PCSK6: variants seen among roughly 807,000 people sequenced by gnomAD.
PCSK6 encodes the protein paired basic amino acid cleaving enzyme 4.
In PCSK6, 85 loss-of-function variants were observed where a neutral mutation model predicts 123.3. The observed-to-expected ratio is 0.69, with a 90% CI of 0.58 to 0.83. PCSK6 has a LOEUF of 0.83. PCSK6 is among the 40% of genes least tolerant of loss of function. The pLI, the probability that PCSK6 is intolerant of heterozygous loss-of-function variation, is 0.00. For synonymous variants in PCSK6, 508 were observed against 516.0 expected, an observed-to-expected ratio of 0.98 and a Z score of 0.21; for missense variants, 1,191 against 1,282.3, an observed-to-expected ratio of 0.93 and a Z score of 1.09.
intron 1 of PCSK6, among the ~76,000 whole-genome samples, chr15:101,477,296 G>A (rs1320733091): frequency 6.6e-6 from 1 of 152,102 alleles, no homozygotes; most frequent in Non-Finnish European, 1.5e-5. Flanking sequence ...TACCTACACA[G>A]GTTGAATATC....
In PCSK6 at chr15:101,489,606, T is replaced by TCGGTGG; in HGVS notation, c.59_64dup (p.Ala20_Thr21dup). On this transcript the variant is annotated inframe_insertion, in exon 1 of 22. Coordinates refer to ENST00000611716, the MANE Select transcript of PCSK6 (RefSeq NM_002570.5). Reference sequence around the variant, plus strand: ...CGCGCCCCCCGCGCCCGCGGCGGTGTCGGTGGCGGCGGCGGCCCGGGGCGG... The same window carrying TCGGTGG: ...CGCGCCCCCCGCGCCCGCGGCGGTGTCGGTGGCGGTGGCGGCGGCGGCCCGGGGCGG... 2 of 959,930 alleles carry TCGGTGG rather than the reference T, an allele frequency of 2.1e-6. No individual in the cohort carries two copies. The highest frequency in any genetic ancestry group is 2.4e-6 in the Non-Finnish European group (2 of 817,028). 59.5% of individuals were successfully genotyped at this position (959,930 alleles called of 1,614,324 possible).
intron 18 of PCSK6, among the ~76,000 whole-genome samples, chr15:101,319,949 T>C (rs2141349915): frequency 6.6e-6 from 1 of 152,236 alleles, no homozygotes; most frequent in Admixed American, 6.5e-5. Context: ...AAGTCCGATT[T>C]ATGGCTGGTC....
At chr15:101,341,248 G>GTT (rs149761692) in intron 13 of PCSK6, among the ~76,000 whole-genome samples, 143 of 129,628 alleles carry the variant, frequency 1.1e-3, no homozygotes, top group East Asian at 1.8e-3. Context: ...AAAGTGTGGG[G>GTT]TTTTTTTTTT....
intron 2 of PCSK6, among the ~76,000 whole-genome samples, chr15:101,440,354 C>T (rs1044550841): frequency 6.6e-6 from 1 of 152,192 alleles, no homozygotes; most frequent in Non-Finnish European, 1.5e-5. Flanking sequence ...CATTCCGGTA[C>T]AGGATCAGTG....
At chr15:101,313,849 T>C (rs1410630884) in intron 19 of PCSK6, 1 of 203,550 alleles carries the variant, frequency 4.9e-6, no homozygotes, top group Non-Finnish European at 9.9e-6. Flanking sequence ...AAAGTCTTCA[T>C]ATAAAAAATA....
chr15:101,362,203 G>A (rs531575172), intron 13 of PCSK6, among the ~76,000 whole-genome samples: 308 of 152,144 alleles, frequency 2.0e-3, no homozygotes, highest in Non-Finnish European at 3.6e-3. Context: ...TGATTCACCC[G>A]CCTCGGCCTC....
At chr15:101,392,626 T>C (rs1042629229) in intron 8 of PCSK6, among the ~76,000 whole-genome samples, 1 of 129,918 alleles carries the variant, frequency 7.7e-6, no homozygotes, top group Non-Finnish European at 1.6e-5. Flanking sequence ...GGAAAGTATG[T>C]AGGGAAGGAA....
chr15:101,376,141 G>T (rs1055771006), intron 11 of PCSK6, among the ~76,000 whole-genome samples: 1 of 152,152 alleles, frequency 6.6e-6, no homozygotes, highest in African/African-American at 2.4e-5. Flanking sequence ...CACCCAGGCT[G>T]GGGTGCAGTG....
At chr15:101,322,989 G>A (rs546241512) in intron 17 of PCSK6, among the ~76,000 whole-genome samples, 4 of 152,342 alleles carry the variant, frequency 2.6e-5, no homozygotes, top group East Asian at 1.9e-4. Context: ...TGCCCACCAC[G>A]GTGCTTTCTC....
At chr15:101,464,985 C>G (rs1393667164) in intron 1 of PCSK6, among the ~76,000 whole-genome samples, 1 of 152,084 alleles carries the variant, frequency 6.6e-6, no homozygotes, top group Non-Finnish European at 1.5e-5. Context: ...ACTCGCAGGA[C>G]CTGGGGAGAG....
At chr15:101,362,165 C>T (rs537597504) in intron 13 of PCSK6, among the ~76,000 whole-genome samples, 1 of 152,202 alleles carries the variant, frequency 6.6e-6, no homozygotes, top group African/African-American at 2.4e-5. Flanking sequence ...ACCATGTTGG[C>T]CAGGATGGTC....
At chr15:101,396,197 A>C (rs938574867) in intron 7 of PCSK6, among the ~76,000 whole-genome samples, 6 of 152,296 alleles carry the variant, frequency 3.9e-5, no homozygotes, top group South Asian at 4.1e-4. Context: ...CTGTGACAAG[A>C]ATGAGGGGAA....
At chr15:101,373,924 A>G (rs570504445) in intron 11 of PCSK6, among the ~76,000 whole-genome samples, 22 of 152,194 alleles carry the variant, frequency 1.4e-4, no homozygotes, top group Non-Finnish European at 2.9e-4. Flanking sequence ...AAAGTCCCCA[A>G]AGTAACTGAA....
chr15:101,453,781 G>T (rs184458595), intron 1 of PCSK6, among the ~76,000 whole-genome samples: 26 of 152,320 alleles, frequency 1.7e-4, no homozygotes, highest in Non-Finnish European at 2.9e-4. Context: ...GAAGTAGGGG[G>T]TGCCTTATCC....
intron 2 of PCSK6, among the ~76,000 whole-genome samples, chr15:101,438,161 G>T (rs1323542023): frequency 6.6e-6 from 1 of 152,148 alleles, no homozygotes; most frequent in African/African-American, 2.4e-5. Flanking sequence ...GCATCCTGTG[G>T]GACTTTGTTA....
At chr15:101,436,718 G>A (rs546501919) in intron 2 of PCSK6, among the ~76,000 whole-genome samples, 2 of 152,286 alleles carry the variant, frequency 1.3e-5, no homozygotes, top group African/African-American at 2.4e-5. Context: ...GGCTGGGACC[G>A]GTCCCTCTCT....
At chr15:101,473,075 GTTTTCTTTTC>G (rs1223710762) in intron 1 of PCSK6, among the ~76,000 whole-genome samples, 1 of 151,988 alleles carries the variant, frequency 6.6e-6, no homozygotes, top group Admixed American at 6.6e-5. Context: ...TTTTTGTTTT[GTTTTCTTTTC>G]TTTTCTAGAG....
chr15:101,437,300 G>A (rs370587155), intron 2 of PCSK6, among the ~76,000 whole-genome samples: 5 of 152,222 alleles, frequency 3.3e-5, no homozygotes, highest in African/African-American at 9.6e-5. Context: ...CCATCATGGC[G>A]AGATGCCCAG....
At chr15:101,322,939 G>C (rs541907992) in intron 17 of PCSK6, among the ~76,000 whole-genome samples, 2 of 152,354 alleles carry the variant, frequency 1.3e-5, no homozygotes, top group South Asian at 4.1e-4. Flanking sequence ...AAGTGGCCGG[G>C]TGTGGGCAGG....
Sources: gnomAD v4.1 joint callset for allele counts (sites outside exome capture counted in the v4.1 genomes callset) on GRCh38, gnomAD v4.1.1 for gene constraint, MANE v1.5 for transcripts, NCBI Gene and HGNC (gene_info 2026-07-23, HGNC 2026-07-21) for gene names.